Variants in MSRB3 observed in about 807,000 individuals in gnomAD.
MSRB3 encodes methionine-R-sulfoxide reductase B3.
Under a neutral mutation model 21.0 loss-of-function variants are expected in MSRB3, and 13 were observed. The observed-to-expected ratio is 0.62, with a 90% CI of 0.40 to 0.98. The LOEUF (loss-of-function observed/expected upper bound fraction) is 0.98, where lower values mean the gene tolerates loss of function less well. MSRB3 is among the 50% of genes least tolerant of loss of function. The pLI is 0.00. For synonymous variants in MSRB3, 87 were observed against 88.6 expected (o/e 0.98, Z 0.10); for missense variants, 199 against 230.3 (o/e 0.86, Z 0.88).
intron 1 of MSRB3, among the ~76,000 whole-genome samples, chr12:65,286,910 CCT>C: frequency 6.7e-6 from 1 of 148,848 alleles, no homozygotes; most frequent in East Asian, 2.1e-4. Context: ...GGTCCCACCT[CCT>C]CTGGAGGCTG....
At chr12:65,353,214 G>A (rs1334524323) in intron 4 of MSRB3, among the ~76,000 whole-genome samples, 2 of 152,104 alleles carry the variant, frequency 1.3e-5, no homozygotes, top group African/African-American at 4.8e-5. Flanking sequence ...GATTTGGGGT[G>A]GAAAGTTCTG....
rs185073742 is a variant in MSRB3 at position 65,287,133 on chromosome 12, T to C, written c.-52+8268T>C. On this transcript the variant is annotated intron_variant, in intron 1 of 6. Transcript: ENST00000308259. ...TTTATGTTTGTTCTTTCATTTCTCT[T>C]TTTTTTTTTTTTTTGGCTGCCGCCC... 3.0e-3 allele frequency among the ~76,000 whole-genome samples: 418 copies of C among 141,282 alleles called. 5 individuals are homozygous for C. The highest frequency in any genetic ancestry group is 5.0e-3 in the Admixed American group (73 of 14,534). 92.7% of individuals were successfully genotyped at this position (141,282 alleles called of 152,430 possible). A position where few individuals can be genotyped will look rare whatever the true frequency, so the allele number is the denominator to read the frequency against.
At chr12:65,364,030 G>A (rs1385570471) in intron 4 of MSRB3, among the ~76,000 whole-genome samples, 1 of 151,990 alleles carries the variant, frequency 6.6e-6, no homozygotes, top group African/African-American at 2.4e-5. Flanking sequence ...GATTCATATG[G>A]CAGTTGCATA....
intron 5 of MSRB3, among the ~76,000 whole-genome samples, chr12:65,378,043 A>T (rs1255441604): frequency 2.6e-5 from 4 of 152,140 alleles, no homozygotes; most frequent in Non-Finnish European, 4.4e-5. Context: ...TTATGAAATA[A>T]TTTTTTTATG....
At chr12:65,366,599 G>GGGA (rs753596115) in intron 4 of MSRB3, among the ~76,000 whole-genome samples, 9 of 152,000 alleles carry the variant, frequency 5.9e-5, no homozygotes, top group Non-Finnish European at 1.0e-4. Context: ...GAGGAGGGGA[G>GGGA]GGATGTAGAA....
intron 4 of MSRB3, among the ~76,000 whole-genome samples, chr12:65,336,450 G>T (rs1275215991): frequency 6.6e-6 from 1 of 152,196 alleles, no homozygotes; most frequent in Non-Finnish European, 1.5e-5. Flanking sequence ...GTGTGTGTAT[G>T]TGTATTATTT....
At chr12:65,435,782 A>C (rs1281257584) in intron 5 of MSRB3, among the ~76,000 whole-genome samples, 3 of 151,914 alleles carry the variant, frequency 2.0e-5, no homozygotes, top group African/African-American at 7.2e-5. Flanking sequence ...GGAATTTATC[A>C]AAGTAGCAAT....
intron 4 of MSRB3, among the ~76,000 whole-genome samples, chr12:65,347,001 T>C (rs1371436229): frequency 2.0e-5 from 3 of 152,124 alleles, no homozygotes; most frequent in Non-Finnish European, 4.4e-5. Context: ...TGCAGTATAG[T>C]TTGAAGTCAG....
At chr12:65,357,713 A>G (rs1877468939) in intron 4 of MSRB3, among the ~76,000 whole-genome samples, 1 of 151,900 alleles carries the variant, frequency 6.6e-6, no homozygotes, top group South Asian at 2.1e-4. Context: ...AGGAGTCATG[A>G]TCAGGCATTT....
chr12:65,350,546 T>G (rs954257478), intron 4 of MSRB3, among the ~76,000 whole-genome samples: 25 of 151,200 alleles, frequency 1.7e-4, no homozygotes, highest in Middle Eastern at 3.4e-3. Context: ...GACCCATCAG[T>G]GTGCTGTATT....
intron 2 of MSRB3, among the ~76,000 whole-genome samples, chr12:65,318,276 A>G (rs1477818104): frequency 6.6e-6 from 1 of 152,152 alleles, no homozygotes; most frequent in African/African-American, 2.4e-5. Flanking sequence ...TTGACAATAT[A>G]TATTTTATTT....
chr12:65,290,395 A>T (rs1872605188), intron 1 of MSRB3, among the ~76,000 whole-genome samples: 1 of 152,106 alleles, frequency 6.6e-6, no homozygotes, highest in Non-Finnish European at 1.5e-5. Flanking sequence ...CTTTTCTTTT[A>T]ATTATGCCTT....
chr12:65,298,934 T>C (rs1290127550), intron 1 of MSRB3, among the ~76,000 whole-genome samples: 1 of 152,234 alleles, frequency 6.6e-6, no homozygotes, highest in Admixed American at 6.5e-5. Flanking sequence ...CAGCTTGCAT[T>C]ACCAGGTTTT....
At chr12:65,436,525 A>T (rs1882124887) in intron 5 of MSRB3, among the ~76,000 whole-genome samples, 1 of 151,900 alleles carries the variant, frequency 6.6e-6, no homozygotes, top group African/African-American at 2.4e-5. Context: ...CCAGACTTCC[A>T]AAGGGTCTGG....
chr12:65,327,359 TC>T (rs1875117696), intron 3 of MSRB3, among the ~76,000 whole-genome samples: 1 of 152,252 alleles, frequency 6.6e-6, no homozygotes, highest in Non-Finnish European at 1.5e-5. Context: ...ATAATTTAGT[TC>T]TTTTCTACCC....
At chr12:65,301,395 A>C (rs929038404) in intron 1 of MSRB3, among the ~76,000 whole-genome samples, 2 of 152,116 alleles carry the variant, frequency 1.3e-5, no homozygotes, top group Non-Finnish European at 1.5e-5. Context: ...TTGAAGTTGT[A>C]AGAATAGGTA....
Position 65,463,368 on chromosome 12 carries a change from A to G in MSRB3, c.*46A>G. ...ACAAAGTGTACTTAATGCACAGCTT[A>G]TTAAAAAAATCAAAATTGTTATCTT... On this transcript the variant is annotated 3_prime_UTR_variant, in exon 7 of 7. Coordinates refer to ENST00000308259, the MANE Select transcript of MSRB3 (RefSeq NM_001031679.3). The G allele has an allele frequency of 1.2e-6, 2 of 1,604,304 alleles. No individual in the cohort carries two copies. Among genetic ancestry groups the G allele is most frequent in the Non-Finnish European group, 1.7e-6 (2 of 1,173,712 alleles).
intron 5 of MSRB3, among the ~76,000 whole-genome samples, chr12:65,435,455 C>T (rs1054065427): frequency 6.6e-6 from 1 of 151,732 alleles, no homozygotes; most frequent in Non-Finnish European, 1.5e-5. Context: ...GAATCTTTGC[C>T]AGCTTCTCCA....
At chr12:65,319,751 G>A (rs1874539824) in intron 2 of MSRB3, among the ~76,000 whole-genome samples, 1 of 152,132 alleles carries the variant, frequency 6.6e-6, no homozygotes, top group African/African-American at 2.4e-5. Context: ...TTTACAATGT[G>A]TTTGGGAAAA....
Sources: gnomAD v4.1 joint callset for allele counts (sites outside exome capture counted in the v4.1 genomes callset) on GRCh38, gnomAD v4.1.1 for gene constraint, MANE v1.5 for transcripts, NCBI Gene and HGNC (gene_info 2026-07-23, HGNC 2026-07-21) for gene names.